The following HDAC9 variants were observed in gnomAD, a reference collection of about 807,000 sequenced individuals.
The protein encoded by HDAC9 is MEF-2 interacting transcription repressor (MITR) protein.
A neutral mutation model predicts 139.4 loss-of-function variants in HDAC9; 41 were observed. The observed-to-expected ratio is 0.29, with a 90% CI of 0.23 to 0.38. HDAC9 has a LOEUF of 0.38. Ranked by LOEUF, HDAC9 falls within the 10% of genes least tolerant of loss-of-function variation. The pLI is 1.00. For missense variants in HDAC9, 1,147 were observed against 1,297.0 expected (o/e 0.88, Z 1.78); for synonymous variants, 517 against 476.2 (o/e 1.09, Z -1.12).
chr7:18,204,700 G>A (rs1791371951), intron 2 of HDAC9, among the ~76,000 whole-genome samples: 1 of 151,612 alleles, frequency 6.6e-6, no homozygotes, highest in Non-Finnish European at 1.5e-5. Context: ...TTAATTTCCT[G>A]TTGTGCATGT....
exon 1 of HDAC9, chr7:18,087,085 C>CT (rs899681491): frequency 6.6e-6 from 1 of 152,104 alleles, no homozygotes; most frequent in African/African-American, 2.4e-5. Flanking sequence ...CTTTCATTCC[C>CT]TTTTTGCTTC....
rs145330147 is a variant in HDAC9 at position 18,093,364 on chromosome 7, G to A, written c.-97+6151G>A. On this transcript the variant is annotated intron_variant, in intron 1 of 12. Coordinates refer to the HDAC9 transcript ENST00000417496. ...CAAGCAGTAAGTGAAGTTTCCAGGGGGAAAGCCTGTTACTCACATTGAAGT... is the reference window on the plus strand; with the variant it reads ...CAAGCAGTAAGTGAAGTTTCCAGGGAGAAAGCCTGTTACTCACATTGAAGT... Among the ~76,000 whole-genome samples the A allele has an allele frequency of 1.8e-4, 27 of 152,230 alleles. 2 individuals are homozygous for A. The East Asian group carries it at 5.2e-3, about 29-fold the overall frequency.
At chr7:18,416,239 T>C (rs1460683365) in intron 1 of HDAC9, among the ~76,000 whole-genome samples, 1 of 151,896 alleles carries the variant, frequency 6.6e-6, no homozygotes, top group Non-Finnish European at 1.5e-5. Context: ...GAGGTTGCAG[T>C]GAGCCGAGAT....
chr7:18,987,550 A>G (rs548286201), intron 25 of HDAC9, among the ~76,000 whole-genome samples: 3 of 152,146 alleles, frequency 2.0e-5, no homozygotes, highest in Non-Finnish European at 4.4e-5. Flanking sequence ...TGTCTCTGCC[A>G]GGCTTTGGTA....
intron 1 of HDAC9, among the ~76,000 whole-genome samples, chr7:18,094,910 TGA>T (rs1266238737): frequency 6.6e-6 from 1 of 152,028 alleles, no homozygotes; most frequent in Non-Finnish European, 1.5e-5. Context: ...AAAGTCAAGA[TGA>T]GAGAGAGAGA....
At chr7:18,773,077 GA>G (rs1790455948) in intron 16 of HDAC9, among the ~76,000 whole-genome samples, 1 of 151,978 alleles carries the variant, frequency 6.6e-6, no homozygotes, top group African/African-American at 2.4e-5. Context: ...CAGGAAAGAA[GA>G]AAATGAGAGA....
intron 22 of HDAC9, among the ~76,000 whole-genome samples, chr7:18,929,570 G>GTGGT (rs1281486876): frequency 1.3e-5 from 2 of 152,166 alleles, no homozygotes; most frequent in Non-Finnish European, 2.9e-5. Flanking sequence ...AGTAGTAGAT[G>GTGGT]TGGTGTTTGA....
upstream of HDAC9, among the ~76,000 whole-genome samples, chr7:18,289,209 A>G (rs1454871561): frequency 1.3e-5 from 2 of 152,190 alleles, no homozygotes; most frequent in East Asian, 3.9e-4. Context: ...AAGAGAAACT[A>G]TTGGAGAGAT....
At chr7:18,490,504 T>G (rs1252803192) in intron 1 of HDAC9, among the ~76,000 whole-genome samples, 1 of 152,034 alleles carries the variant, frequency 6.6e-6, no homozygotes, top group African/African-American at 2.4e-5. Context: ...TCTCAGACCC[T>G]TTACCTGCTG....
At chr7:18,691,598 C>T (rs1782679209) in intron 12 of HDAC9, among the ~76,000 whole-genome samples, 1 of 151,964 alleles carries the variant, frequency 6.6e-6, no homozygotes, top group Non-Finnish European at 1.5e-5. Context: ...GAATGTTGAC[C>T]TCCAATTGCT....
chr7:18,292,890 C>T (rs1241319795), intron 1 of HDAC9, among the ~76,000 whole-genome samples: 1 of 152,014 alleles, frequency 6.6e-6, no homozygotes, highest in Non-Finnish European at 1.5e-5. Context: ...TTTTACATTA[C>T]GGGTACAACT....
chr7:18,749,357 A>T (rs1198712848), intron 14 of HDAC9, among the ~76,000 whole-genome samples: 1 of 152,192 alleles, frequency 6.6e-6, no homozygotes, highest in East Asian at 1.9e-4. Flanking sequence ...CAGCTGCCTG[A>T]TGTGTGTGTT....
intron 22 of HDAC9, among the ~76,000 whole-genome samples, chr7:18,879,354 G>A (rs116788221): frequency 0.014 from 2,183 of 152,170 alleles, 61 homozygotes; most frequent in African/African-American, 0.049. Flanking sequence ...AAATAGCTAA[G>A]GCAATCCTAA....
intron 1 of HDAC9, among the ~76,000 whole-genome samples, chr7:18,296,556 C>T (rs1454740951): frequency 1.3e-5 from 2 of 152,064 alleles, no homozygotes; most frequent in Non-Finnish European, 2.9e-5. Context: ...AAACACAATT[C>T]TAAATATTTT....
intron 11 of HDAC9, among the ~76,000 whole-genome samples, chr7:18,662,985 G>A (rs763043968): frequency 6.6e-6 from 1 of 152,014 alleles, no homozygotes; most frequent in South Asian, 2.1e-4. Context: ...ATTGAAAGGA[G>A]CAGGAGCACT....
At chr7:18,880,490 ATGTCTTTTG>A (rs1178579859) in intron 22 of HDAC9, among the ~76,000 whole-genome samples, 1 of 152,138 alleles carries the variant, frequency 6.6e-6, no homozygotes, top group Non-Finnish European at 1.5e-5. Context: ...GAACAAGCTC[ATGTCTTTTG>A]TGGAATCATG....
intron 1 of HDAC9, among the ~76,000 whole-genome samples, chr7:18,343,680 A>G (rs1782185970): frequency 6.6e-6 from 1 of 151,904 alleles, no homozygotes; most frequent in Admixed American, 6.6e-5. Context: ...CCTTGGATCT[A>G]ACTAGAGAGC....
rs545628191 is a variant in HDAC9 at position 18,577,823 on chromosome 7, C to T, written c.23-7458C>T. Among the ~76,000 whole-genome samples the T allele has an allele frequency of 9.2e-5, 14 of 151,922 alleles. No homozygotes were observed. In the South Asian group the frequency reaches 2.1e-3, roughly 23 times the overall value. On this transcript the variant is annotated intron_variant, in intron 2 of 25. Transcript: ENST00000686413. ...GCAAGAGATAAGTCTAGAGAGGTGT[C>T]GGTGAAACTCGTCTGTGGTAAAATT...
At chr7:18,522,239 G>A (rs565911874) in intron 2 of HDAC9, among the ~76,000 whole-genome samples, 4 of 152,212 alleles carry the variant, frequency 2.6e-5, no homozygotes, top group African/African-American at 9.6e-5. Flanking sequence ...AGCACTTAGG[G>A]CCATTCAGAA....
Sources: gnomAD v4.1 joint callset for allele counts (sites outside exome capture counted in the v4.1 genomes callset) on GRCh38, gnomAD v4.1.1 for gene constraint, MANE v1.5 for transcripts, NCBI Gene and HGNC (gene_info 2026-07-23, HGNC 2026-07-21) for gene names.